RTEL1: variants seen among roughly 807,000 people sequenced by gnomAD.
RTEL1 encodes regulator of telomere elongation helicase 1.
RTEL1 carries 86 observed loss-of-function variants against 162.2 expected under a neutral mutation model. That is an observed-to-expected ratio of 0.53 (90% CI 0.45 to 0.63). The LOEUF (loss-of-function observed/expected upper bound fraction) is 0.63, where lower values mean the gene tolerates loss of function less well. Ranked by LOEUF, RTEL1 falls within the 30% of genes least tolerant of loss-of-function variation. RTEL1 has a pLI of 0.00. For synonymous variants in RTEL1, 958 were observed against 717.9 expected (o/e 1.33, Z -5.35); for missense variants, 1,941 against 1,750.2 (o/e 1.11, Z -1.95).
chr20:63,679,457 T>C (rs6062301), intron 12 of RTEL1, among the ~76,000 whole-genome samples: 121,564 of 151,726 alleles, frequency 0.8, 49,903 homozygotes, highest in African/African-American at 0.94. Context: ...TGACAACCTC[T>C]TGACGACCCC....
chr20:63,689,940 C>T, intron 24 of RTEL1, 75 bp downstream of exon 24: 1 of 1,556,654 alleles, frequency 6.4e-7, no homozygotes, highest in Admixed American at 1.7e-5. Context: ...ACTCTCCTTC[C>T]CCACATGAGG....
intron 30 of RTEL1, among the ~76,000 whole-genome samples, chr20:63,694,117 C>T (rs1031442781): frequency 7.9e-5 from 12 of 152,124 alleles, no homozygotes; most frequent in East Asian, 1.9e-4. Context: ...ACTGGGATAT[C>T]CTCATGCCTG....
intron 7 of RTEL1, 44 bp from the exon 8 acceptor site, chr20:63,667,425 C>T: frequency 1.3e-6 from 2 of 1,507,768 alleles, no homozygotes; most frequent in Non-Finnish European, 1.8e-6. Flanking sequence ...GGCACCGTCC[C>T]CTGCATGGGG....
At chr20:63,678,441 G>A (rs1444642326) in intron 12 of RTEL1, 95 bp downstream of exon 12, 3 of 1,195,476 alleles carry the variant, frequency 2.5e-6, no homozygotes, top group Non-Finnish European at 3.5e-6. Flanking sequence ...CACGAGTGAG[G>A]CCTGTTTTCA....
At position 63,695,855 on chromosome 20, in the gene RTEL1, G is replaced by T. The variant is rs374244090; in HGVS notation, c.3900G>T (p.Gln1300His). The T allele has an allele frequency of 5.5e-5, 87 of 1,587,784 alleles. No individual in the cohort carries two copies. In the African/African-American group the frequency reaches 8.3e-4, roughly 15 times the overall value. Residue 1300 changes from glutamine (Q) to histidine (H), a missense_variant, in exon 35 of 35, where the codon CAG (glutamine) becomes CAT (histidine). Gln to His is a conservative substitution (Grantham distance 24, BLOSUM62 0). Transcript: ENST00000360203. ...SVMQVFWPEPQ is the reference protein window; with the variant it reads ...SVMQVFWPEPH ...TGCAGGTCTTCTGGCCAGAGCCCCA[G>T]TGAGTGCCCACGGAGGCCCCCAGCA...
chr20:63,671,790 C>T (rs2090248578), intron 8 of RTEL1, among the ~76,000 whole-genome samples: 1 of 148,992 alleles, frequency 6.7e-6, no homozygotes, highest in Non-Finnish European at 1.5e-5. Context: ...CATGCCCGGC[C>T]AATGTGTGAA....
intron 10 of RTEL1, among the ~76,000 whole-genome samples, chr20:63,675,646 C>T (rs1037840053): frequency 3.9e-5 from 6 of 152,138 alleles, no homozygotes; most frequent in African/African-American, 9.7e-5. Context: ...CTTAAAGCGC[C>T]GGGACCACAG....
intron 10 of RTEL1, among the ~76,000 whole-genome samples, chr20:63,675,211 C>T (rs1204398140): frequency 2.0e-5 from 3 of 152,226 alleles, no homozygotes; most frequent in African/African-American, 7.2e-5. Flanking sequence ...GGCCTTTGTC[C>T]ATATTTTCTA....
chr20:63,663,218 C>T (rs369912934), intron 6 of RTEL1, among the ~76,000 whole-genome samples: 13 of 152,342 alleles, frequency 8.5e-5, no homozygotes, highest in African/African-American at 1.9e-4. Flanking sequence ...TGCTGAACAC[C>T]GGCTTTCTCT....
At chr20:63,660,202 TC>T (rs1034955655) in intron 2 of RTEL1, among the ~76,000 whole-genome samples, 5 of 152,214 alleles carry the variant, frequency 3.3e-5, no homozygotes, top group Admixed American at 3.3e-4. Flanking sequence ...ACAGTGGCCT[TC>T]CTCTATCTCG....
chr20:63,693,451 C>A lies in RTEL1; in HGVS notation c.2992+168C>A, dbSNP rs1184816062. Among the ~76,000 whole-genome samples, 3 of 31,322 alleles carry A rather than the reference C, an allele frequency of 9.6e-5. 1 individual carries two copies. Among genetic ancestry groups the A allele is most frequent in the Admixed American group, 8.3e-4 (2 of 2,424 alleles). 20.5% of individuals were successfully genotyped at this position (31,322 alleles called of 152,430 possible). A position where few individuals can be genotyped will look rare whatever the true frequency, so the allele number is the denominator to read the frequency against. On this transcript the variant is annotated intron_variant, in intron 30 of 34. Transcript: ENST00000360203. ...ACCTCCACCACCAGCACCAGCAGCA[C>A]CACCTCCACCTCCACCTCCACCTCC...
chr20:63,686,147 G>A (rs2090587762), intron 16 of RTEL1: 9 of 540,206 alleles, frequency 1.7e-5, no homozygotes, highest in Non-Finnish European at 2.7e-5. Flanking sequence ...CCTCCCTGCT[G>A]GGACACGCTC....
At chr20:63,684,038 CAT>C (rs1011523399) in intron 14 of RTEL1, among the ~76,000 whole-genome samples, 10 of 58,524 alleles carry the variant, frequency 1.7e-4, no homozygotes, top group Admixed American at 4.8e-4. Context: ...TTGGTGAACA[CAT>C]GTTTCCTTGT....
At chr20:63,666,164 C>T in intron 7 of RTEL1, 85 bp downstream of exon 7, 1 of 1,073,824 alleles carries the variant, frequency 9.3e-7, no homozygotes, top group Non-Finnish European at 1.4e-6. Context: ...TATATTTCTT[C>T]ACTTTTCTTT....
At chr20:63,669,336 C>T (rs1405431730) in intron 8 of RTEL1, among the ~76,000 whole-genome samples, 3 of 152,162 alleles carry the variant, frequency 2.0e-5, no homozygotes, top group Non-Finnish European at 2.9e-5. Flanking sequence ...TAGAAAGGAA[C>T]ATGGGGGAGG....
Position 63,661,233 on chromosome 20 carries a change from G to A in RTEL1, c.103-65G>A. 7.4e-6 allele frequency: 11 copies of A among 1,485,760 alleles called. No homozygotes were observed. The highest frequency in any genetic ancestry group is 1.0e-5 in the Non-Finnish European group (11 of 1,076,968). The allele number at this position is 1,485,760 out of a possible 1,614,324, so 92.0% of individuals were successfully genotyped here. A position where few individuals can be genotyped will look rare whatever the true frequency, so the allele number is the denominator to read the frequency against. ...CCGCTGGCTGCCGAAGCTTGTCTCA[G>A]GGCAGCTTGTGTGGCCTCGCCTCTT... On this transcript the variant is annotated intron_variant, in intron 2 of 34. Coordinates refer to ENST00000360203, the MANE Select transcript of RTEL1 (RefSeq NM_001283009.2). This position sits in a 1 kb window ranked among gnomAD's most constrained non-coding sequence, Gnocchi z 5.1.
intron 10 of RTEL1, among the ~76,000 whole-genome samples, chr20:63,676,294 C>T (rs1269026569): frequency 6.6e-6 from 1 of 152,082 alleles, no homozygotes; most frequent in Non-Finnish European, 1.5e-5. Flanking sequence ...AGAGCCCAGG[C>T]CGTTTACCCT....
At chr20:63,685,427 CT>C in intron 14 of RTEL1, 95 bp from the exon 15 acceptor site, 1 of 1,279,834 alleles carries the variant, frequency 7.8e-7, no homozygotes, top group Non-Finnish European at 1.1e-6. Flanking sequence ...CCGATGACCC[CT>C]GGGTGTCCTG....
chr20:63,692,565 A>G (rs2090775431), intron 28 of RTEL1: 1 of 576,856 alleles, frequency 1.7e-6, no homozygotes, highest in East Asian at 2.9e-5. Flanking sequence ...CCCTTTGCCC[A>G]TTCACTGCTC....
Sources: allele counts gnomAD v4.1 joint callset (sites outside exome capture counted in the v4.1 genomes callset), GRCh38; gene constraint gnomAD v4.1.1; non-coding constraint Gnocchi (gnomAD v3.1); transcripts MANE v1.5; gene names NCBI Gene and HGNC (gene_info 2026-07-23, HGNC 2026-07-21).